Variants in TOP6BL observed in about 807,000 individuals in gnomAD.
TOP6BL encodes TOP6B like initiator of meiotic double strand breaks.
chr11:66,756,337 C>CTT, the TOP6BL span: 157 of 1,087,752 alleles, frequency 1.4e-4, no homozygotes, highest in South Asian at 6.8e-4. Flanking sequence ...CTTTTCCCCC[C>CTT]TTTTTTTTTT....
the TOP6BL span, chr11:66,843,233 G>A: frequency 2.5e-6 from 4 of 1,609,066 alleles, no homozygotes; most frequent in African/African-American, 2.7e-5. Flanking sequence ...CCTGGGCCCT[G>A]AGCCGGGTCC....
At chr11:66,840,369 C>T in the TOP6BL span, among the ~76,000 whole-genome samples, 1 of 152,212 alleles carries the variant, frequency 6.6e-6, no homozygotes, top group East Asian at 1.9e-4. Context: ...TGCAGAACCT[C>T]ATCAGTGTGG....
At chr11:66,819,292 G>T in the TOP6BL span, among the ~76,000 whole-genome samples, 1 of 151,764 alleles carries the variant, frequency 6.6e-6, no homozygotes, top group Non-Finnish European at 1.5e-5. Flanking sequence ...TTTCCCCAAT[G>T]TCAAAAGCAT....
the TOP6BL span, among the ~76,000 whole-genome samples, chr11:66,832,658 T>C: frequency 6.6e-6 from 1 of 152,268 alleles, no homozygotes; most frequent in Non-Finnish European, 1.5e-5. Context: ...CCCAGGAACG[T>C]GTCCACTGTT....
the TOP6BL span, among the ~76,000 whole-genome samples, chr11:66,747,764 A>G: frequency 6.6e-6 from 1 of 152,042 alleles, no homozygotes; most frequent in South Asian, 2.1e-4. Context: ...GACTACAGGC[A>G]CACGCCACCA....
At chr11:66,759,030 C>T in the TOP6BL span, 1 of 1,538,306 alleles carries the variant, frequency 6.5e-7, no homozygotes, top group Non-Finnish European at 8.8e-7. Flanking sequence ...TCTTTGTATT[C>T]TGTTTCTTAC....
the TOP6BL span, chr11:66,843,392 G>C: frequency 1.9e-5 from 27 of 1,428,602 alleles, no homozygotes; most frequent in Non-Finnish European, 2.5e-5. Context: ...GCCGCGCCGC[G>C]GCCTGACGTC....
At chr11:66,762,257 G>A in the TOP6BL span, 4 of 530,140 alleles carry the variant, frequency 7.5e-6, no homozygotes, top group South Asian at 2.0e-5. Context: ...GAACACGCGC[G>A]CAAACTGAGC....
the TOP6BL span, among the ~76,000 whole-genome samples, chr11:66,833,178 A>T: frequency 6.6e-6 from 1 of 150,788 alleles, no homozygotes; most frequent in Non-Finnish European, 1.5e-5. Flanking sequence ...CCTCCCGAGT[A>T]GCTGGGATTA....
chr11:66,816,376 A>C, the TOP6BL span, among the ~76,000 whole-genome samples: 1 of 152,350 alleles, frequency 6.6e-6, no homozygotes. Flanking sequence ...ATATTGATGC[A>C]TCGCTTAAAT....
At chr11:66,829,447 C>G in the TOP6BL span, among the ~76,000 whole-genome samples, 1 of 152,036 alleles carries the variant, frequency 6.6e-6, no homozygotes, top group East Asian at 1.9e-4. Flanking sequence ...TGGCGACATG[C>G]ACCTGTAATC....
At chr11:66,814,880 G>A in the TOP6BL span, among the ~76,000 whole-genome samples, 2 of 152,224 alleles carry the variant, frequency 1.3e-5, no homozygotes, top group Admixed American at 6.5e-5. Context: ...AGCTTTGGGT[G>A]AATCATGCTA....
the TOP6BL span, among the ~76,000 whole-genome samples, chr11:66,825,049 A>G: frequency 6.6e-6 from 1 of 152,002 alleles, no homozygotes. Flanking sequence ...TTTTCAGTAG[A>G]GACGGGGTTT....
chr11:66,816,890 A>C, the TOP6BL span, among the ~76,000 whole-genome samples: 1 of 152,102 alleles, frequency 6.6e-6, no homozygotes, highest in East Asian at 1.9e-4. Context: ...GCGGTGGCTC[A>C]TGCCTGTAAT....
the TOP6BL span, among the ~76,000 whole-genome samples, chr11:66,783,341 C>T: frequency 6.6e-6 from 1 of 152,058 alleles, no homozygotes; most frequent in Non-Finnish European, 1.5e-5. Context: ...TAGCCTGGGC[C>T]ACAGAACATG....
chr11:66,802,067 G>A, the TOP6BL span, among the ~76,000 whole-genome samples: 1 of 152,076 alleles, frequency 6.6e-6, no homozygotes, highest in Non-Finnish European at 1.5e-5. Context: ...ATAGCTCACT[G>A]CAGCCTTGGT....
chr11:66,838,597 GGCA>G, the TOP6BL span, among the ~76,000 whole-genome samples: 1 of 152,194 alleles, frequency 6.6e-6, no homozygotes, highest in African/African-American at 2.4e-5. Flanking sequence ...GGGTCTTCAA[GGCA>G]GCAGCAGGTC....
At chr11:66,836,835 G>A in the TOP6BL span, among the ~76,000 whole-genome samples, 3 of 150,794 alleles carry the variant, frequency 2.0e-5, no homozygotes. Context: ...TGAGTAGCTG[G>A]GATTACAGGT....
At chr11:66,822,033 A>C in the TOP6BL span, among the ~76,000 whole-genome samples, 1 of 152,158 alleles carries the variant, frequency 6.6e-6, no homozygotes, top group Non-Finnish European at 1.5e-5. Context: ...GGCTGATAAC[A>C]CACCTCTTCC....
Sources: allele counts gnomAD v4.1 joint callset (sites outside exome capture counted in the v4.1 genomes callset), GRCh38; gene constraint gnomAD v4.1.1; transcripts MANE v1.5; gene names NCBI Gene and HGNC (gene_info 2026-07-23, HGNC 2026-07-21).